Variants in CNGA1 observed in about 807,000 individuals in gnomAD.
The protein encoded by CNGA1 is cyclic nucleotide gated channel subunit alpha 1.
In CNGA1, 53 loss-of-function variants were observed where a neutral mutation model predicts 69.7. The observed-to-expected ratio is 0.76, with a 90% confidence interval of 0.61 to 0.96. CNGA1 has a LOEUF of 0.96. CNGA1 is among the 40% of genes least tolerant of loss of function. The pLI is 0.00. For synonymous variants in CNGA1, 249 were observed against 283.5 expected, an observed-to-expected ratio of 0.88 and a Z score of 1.22; for missense variants, 739 against 811.2, an observed-to-expected ratio of 0.91 and a Z score of 1.08.
intron 3 of CNGA1, among the ~76,000 whole-genome samples, chr4:47,981,145 A>G (rs1292286724): frequency 6.6e-6 from 1 of 152,236 alleles, no homozygotes; most frequent in Non-Finnish European, 1.5e-5. Flanking sequence ...AATAAAACTA[A>G]AATTTGTGAA....
intron 3 of CNGA1, among the ~76,000 whole-genome samples, chr4:47,980,472 CTTTTTTTTTTT>C (rs5858098): frequency 8.9e-6 from 1 of 112,384 alleles, no homozygotes; most frequent in Non-Finnish European, 1.8e-5. Context: ...TTCTTTCTTT[CTTTTTTTTTTT>C]TTTTTTTTTG....
chr4:47,949,007 T>C (rs1739589272), intron 6 of CNGA1, among the ~76,000 whole-genome samples: 1 of 152,190 alleles, frequency 6.6e-6, no homozygotes, highest in South Asian at 2.1e-4. Context: ...TCTTATAAGC[T>C]TTCTCAGGAA....
chr4:48,014,774 T>C (rs779335355), intron 1 of CNGA1, among the ~76,000 whole-genome samples: 15 of 152,232 alleles, frequency 9.9e-5, no homozygotes, highest in Non-Finnish European at 2.2e-4. Context: ...TCCAAGTGTT[T>C]GTTAAATAAA....
intron 3 of CNGA1, among the ~76,000 whole-genome samples, chr4:47,959,843 C>T (rs1270703313): frequency 3.3e-5 from 5 of 152,004 alleles, no homozygotes; most frequent in Admixed American, 6.6e-5. Context: ...TGACCTCAAG[C>T]GACCTGCCCG....
intron 3 of CNGA1, among the ~76,000 whole-genome samples, chr4:47,958,645 A>G (rs1350322011): frequency 1.3e-5 from 2 of 151,706 alleles, no homozygotes; most frequent in Admixed American, 6.6e-5. Flanking sequence ...ATAGACGTAG[A>G]TGATTACTTG....
chr4:47,993,633 A>G (rs1399376626), intron 2 of CNGA1, among the ~76,000 whole-genome samples: 1 of 151,932 alleles, frequency 6.6e-6, no homozygotes, highest in Non-Finnish European at 1.5e-5. Context: ...TTTTCAAAGA[A>G]TCAGTTTTTT....
Position 47,937,108 on chromosome 4 carries a change from T to C in CNGA1, c.1374A>G (p.Arg458=), listed in dbSNP as rs780381813. 1.5e-5 allele frequency: 25 copies of C among 1,614,212 alleles called. No homozygotes were observed. Among genetic ancestry groups the C allele is most frequent in the Non-Finnish European group, 2.1e-5 (25 of 1,180,044 alleles). The change falls in exon 11 of 11, where the codon AGA becomes AGG. Residue 458 remains arginine, a synonymous_variant. Coordinates refer to ENST00000514170, the MANE Select transcript of CNGA1 (RefSeq NM_001379270.1). The stretch of plus-strand genomic sequence containing the variant: ...AGTGAACGTTGATGGCAATTTCTGC[T>C]CTTAGTTTATCAGGTAGATACTTTA... ...EVLKYLPDKL[R]AEIAINVHLD...
At chr4:47,957,192 T>C (rs1028994209) in intron 3 of CNGA1, among the ~76,000 whole-genome samples, 5 of 152,102 alleles carry the variant, frequency 3.3e-5, no homozygotes, top group Admixed American at 3.3e-4. Context: ...CACCTCAGTC[T>C]CCCAAAGTGC....
At chr4:47,979,499 T>C (rs6854375) in intron 3 of CNGA1, among the ~76,000 whole-genome samples, 1 of 152,030 alleles carries the variant, frequency 6.6e-6, no homozygotes, top group South Asian at 2.1e-4. Context: ...CTGAGGTAAA[T>C]GGCTGTAGCA....
At chr4:47,944,448 C>G (rs749496165) in intron 6 of CNGA1, among the ~76,000 whole-genome samples, 2 of 152,092 alleles carry the variant, frequency 1.3e-5, no homozygotes, top group Non-Finnish European at 2.9e-5. Context: ...GATTTGACAG[C>G]CTAGCATGGA....
intron 2 of CNGA1, among the ~76,000 whole-genome samples, chr4:48,001,838 C>T (rs765833451): frequency 9.9e-5 from 15 of 152,118 alleles, no homozygotes; most frequent in East Asian, 5.8e-4. Flanking sequence ...TCAGAATATG[C>T]TCTGTGTCCA....
intron 2 of CNGA1, among the ~76,000 whole-genome samples, chr4:47,996,588 T>C (rs1048532217): frequency 6.6e-6 from 1 of 152,192 alleles, no homozygotes; most frequent in Non-Finnish European, 1.5e-5. Context: ...ATATTAAGAT[T>C]ATTATTATTT....
At chr4:47,961,719 T>C (rs1487290749) in intron 3 of CNGA1, among the ~76,000 whole-genome samples, 1 of 152,082 alleles carries the variant, frequency 6.6e-6, no homozygotes, top group Non-Finnish European at 1.5e-5. Flanking sequence ...CAGAGCAAGA[T>C]TGTGTTTCAA....
intron 3 of CNGA1, among the ~76,000 whole-genome samples, chr4:47,976,302 CAT>C (rs1176884849): frequency 0.11 from 3,495 of 30,618 alleles, 665 homozygotes; most frequent in East Asian, 0.45. Flanking sequence ...TATACACATA[CAT>C]ATATATATAC....
At chr4:48,015,232 G>C (rs1291064975) in intron 1 of CNGA1, among the ~76,000 whole-genome samples, 1 of 152,100 alleles carries the variant, frequency 6.6e-6, no homozygotes, top group Non-Finnish European at 1.5e-5. Flanking sequence ...AGAAGTCTAA[G>C]TTTTAAGGCT....
At chr4:47,942,372 T>C (rs1201774178) in intron 8 of CNGA1, among the ~76,000 whole-genome samples, 2 of 151,748 alleles carry the variant, frequency 1.3e-5, no homozygotes. Flanking sequence ...TTTTTTTTTT[T>C]TTTTTTTTTG....
intron 3 of CNGA1, among the ~76,000 whole-genome samples, chr4:47,957,989 G>A (rs1053530879): frequency 6.6e-6 from 1 of 150,882 alleles, no homozygotes; most frequent in Non-Finnish European, 1.5e-5. Context: ...CCACCTCCCG[G>A]GTTCAAGTGA....
chr4:47,990,858 A>G (rs1476308160), intron 2 of CNGA1, among the ~76,000 whole-genome samples: 1 of 152,172 alleles, frequency 6.6e-6, no homozygotes, highest in Non-Finnish European at 1.5e-5. Context: ...TTGCATCCTC[A>G]TAGCTTAGCT....
chr4:47,964,721 AGATTTTGATG>A (rs1409633796), intron 3 of CNGA1, among the ~76,000 whole-genome samples: 3 of 152,050 alleles, frequency 2.0e-5, no homozygotes, highest in Non-Finnish European at 4.4e-5. Flanking sequence ...CCAACTATAG[AGATTTTGATG>A]GAATTTGCAT....
Sources: allele counts gnomAD v4.1 joint callset (sites outside exome capture counted in the v4.1 genomes callset), GRCh38; gene constraint gnomAD v4.1.1; transcripts MANE v1.5; gene names NCBI Gene and HGNC (gene_info 2026-07-23, HGNC 2026-07-21).